ZNF385D: variants seen among roughly 807,000 people sequenced by gnomAD.
ZNF385D encodes the protein zinc finger protein 385D, also known as zinc finger protein 659.
ZNF385D carries 15 observed loss-of-function variants against 35.8 expected under a neutral mutation model. The ratio of observed to expected loss-of-function variants is 0.42; its 90% CI spans 0.28 to 0.64. The LOEUF (loss-of-function observed/expected upper bound fraction) is 0.64, where lower values mean the gene tolerates loss of function less well. Ranked by LOEUF, ZNF385D falls within the 30% of genes least tolerant of loss-of-function variation. ZNF385D has a pLI of 0.23. For synonymous variants in ZNF385D, 212 were observed against 186.8 expected (o/e 1.13, Z -1.10); for missense variants, 474 against 494.6 (o/e 0.96, Z 0.39).
At chr3:21,558,420 G>A (rs890726425) in intron 3 of ZNF385D, among the ~76,000 whole-genome samples, 3 of 152,124 alleles carry the variant, frequency 2.0e-5, no homozygotes, top group Admixed American at 6.6e-5. Context: ...TCACCCGGTA[G>A]TCATTCAGGA....
chr3:22,236,587 T>C (rs111924709), intron 2 of ZNF385D, among the ~76,000 whole-genome samples: 457 of 152,288 alleles, frequency 3.0e-3, no homozygotes, highest in African/African-American at 0.011. Flanking sequence ...TATTCACCCT[T>C]TTAAAGTGCC....
intron 2 of ZNF385D, among the ~76,000 whole-genome samples, chr3:22,253,182 G>A (rs1700147439): frequency 2.0e-5 from 3 of 151,984 alleles, no homozygotes; most frequent in Admixed American, 1.3e-4. Context: ...AATCACATTG[G>A]AGGGTAGAAA....
intron 2 of ZNF385D, among the ~76,000 whole-genome samples, chr3:22,324,630 T>C (rs1222933532): frequency 6.6e-6 from 1 of 152,164 alleles, no homozygotes; most frequent in African/African-American, 2.4e-5. Flanking sequence ...TATCTATATA[T>C]TGGAGGAAAA....
At chr3:21,899,682 A>G (rs974077036) in intron 3 of ZNF385D, among the ~76,000 whole-genome samples, 1 of 152,128 alleles carries the variant, frequency 6.6e-6, no homozygotes, top group East Asian at 1.9e-4. Context: ...AATGAACAAT[A>G]TATTAAAGGT....
intron 2 of ZNF385D, among the ~76,000 whole-genome samples, chr3:22,291,358 C>A (rs1702293108): frequency 6.6e-6 from 1 of 152,016 alleles, no homozygotes; most frequent in African/African-American, 2.4e-5. Flanking sequence ...CCTATGAGTT[C>A]TTGTGCTTTA....
intron 2 of ZNF385D, among the ~76,000 whole-genome samples, chr3:22,224,976 G>A (rs970882419): frequency 2.6e-5 from 4 of 152,082 alleles, no homozygotes; most frequent in Non-Finnish European, 5.9e-5. Context: ...TCTGATTTCT[G>A]AAAACACACC....
chr3:22,190,090 A>T (rs1695913219), intron 2 of ZNF385D, among the ~76,000 whole-genome samples: 1 of 152,200 alleles, frequency 6.6e-6, no homozygotes, highest in South Asian at 2.1e-4. Context: ...GAAGCAATAA[A>T]AAAACAGTAT....
At chr3:22,327,180 A>G (rs192737056) in intron 2 of ZNF385D, among the ~76,000 whole-genome samples, 1 of 148,298 alleles carries the variant, frequency 6.7e-6, no homozygotes, top group East Asian at 2.2e-4. Flanking sequence ...CTAATTTGCA[A>G]TAATAATTGA....
At chr3:22,119,894 C>T (rs1461131394) in intron 3 of ZNF385D, among the ~76,000 whole-genome samples, 1 of 151,922 alleles carries the variant, frequency 6.6e-6, no homozygotes, top group East Asian at 1.9e-4. Context: ...GTAACCCAGG[C>T]TGGAGTGCAG....
upstream of ZNF385D, among the ~76,000 whole-genome samples, chr3:21,756,146 G>T (rs184601756): frequency 8.5e-5 from 13 of 152,172 alleles, no homozygotes; most frequent in African/African-American, 3.1e-4. Context: ...CAGATGTAAG[G>T]TGACGGGTTA....
intron 4 of ZNF385D, among the ~76,000 whole-genome samples, chr3:21,466,047 G>T (rs1022913286): frequency 1.2e-4 from 18 of 152,154 alleles, no homozygotes; most frequent in African/African-American, 3.6e-4. Flanking sequence ...GAATGCACCC[G>T]ATTTTGTCTA....
rs112027484 is a variant in ZNF385D at position 21,457,009 on chromosome 3, A to T, written c.440-19806T>A. On this transcript the variant is annotated intron_variant, in intron 4 of 7. Coordinates refer to ENST00000281523, the MANE Select transcript of ZNF385D (RefSeq NM_024697.3). The stretch of plus-strand genomic sequence containing the variant: ...TATATAACAATATAAGGGTTAGTTA[A>T]CTTTGATGACCCTCTACTGGAATGT... 1.7e-3 allele frequency among the ~76,000 whole-genome samples: 254 copies of T among 152,272 alleles called. 1 individual carries two copies. The highest frequency in any genetic ancestry group is 6.8e-3 in the Middle Eastern group (2 of 294).
intron 2 of ZNF385D, among the ~76,000 whole-genome samples, chr3:22,312,192 G>A (rs76746294): frequency 1.8e-4 from 27 of 152,194 alleles, no homozygotes; most frequent in South Asian, 6.2e-4. Flanking sequence ...GGCTTGTGCC[G>A]ATACTGTTCT....
intron 3 of ZNF385D, among the ~76,000 whole-genome samples, chr3:21,758,530 G>C (rs1468225254): frequency 6.6e-6 from 1 of 152,176 alleles, no homozygotes; most frequent in African/African-American, 2.4e-5. Flanking sequence ...TTTGTGGATG[G>C]AGCAGGTGAG....
chr3:21,665,519 C>T (rs919529240), intron 1 of ZNF385D, among the ~76,000 whole-genome samples: 1 of 152,144 alleles, frequency 6.6e-6, no homozygotes, highest in African/African-American at 2.4e-5. Flanking sequence ...GAAATTTAAC[C>T]TCGAACTCAG....
At chr3:21,664,181 A>C (rs2125258853) in intron 2 of ZNF385D, among the ~76,000 whole-genome samples, 1 of 151,848 alleles carries the variant, frequency 6.6e-6, no homozygotes, top group East Asian at 1.9e-4. Context: ...TCCTAAGAAT[A>C]CTCTTACTGA....
intron 3 of ZNF385D, among the ~76,000 whole-genome samples, chr3:22,026,903 G>A (rs761657588): frequency 2.6e-5 from 4 of 152,200 alleles, no homozygotes; most frequent in African/African-American, 4.8e-5. Context: ...TTGGAGAATG[G>A]TGGTGGATTA....
At chr3:22,229,522 T>C (rs1698757655) in intron 2 of ZNF385D, among the ~76,000 whole-genome samples, 1 of 152,234 alleles carries the variant, frequency 6.6e-6, no homozygotes, top group Admixed American at 6.5e-5. Flanking sequence ...ATTCCCTTTA[T>C]GATTGTGGGT....
chr3:21,675,266 C>T (rs1317539826), intron 1 of ZNF385D, among the ~76,000 whole-genome samples: 1 of 151,948 alleles, frequency 6.6e-6, no homozygotes, highest in African/African-American at 2.4e-5. Context: ...TTTCCTCTAT[C>T]TTTCTTAAAC....
Sources: allele counts gnomAD v4.1 joint callset (sites outside exome capture counted in the v4.1 genomes callset), GRCh38; gene constraint gnomAD v4.1.1; transcripts MANE v1.5; gene names NCBI Gene and HGNC (gene_info 2026-07-23, HGNC 2026-07-21).